The following ZNF644 variants were observed in gnomAD, a reference collection of about 807,000 sequenced individuals.
ZNF644 encodes zinc finger protein 644, also known as zinc finger motif enhancer binding protein 2.
A neutral mutation model predicts 108.0 loss-of-function variants in ZNF644; 20 were observed. The ratio of observed to expected loss-of-function variants is 0.19; its 90% confidence interval spans 0.13 to 0.27. The LOEUF is 0.27. Among genes scored for constraint, ZNF644 ranks in the 10% least tolerant of loss-of-function variants. ZNF644 has a pLI of 1.00. For missense variants in ZNF644, 1,338 were observed against 1,548.9 expected, an observed-to-expected ratio of 0.86 and a Z score of 2.29; for synonymous variants, 542 against 539.1, an observed-to-expected ratio of 1.01 and a Z score of -0.08.
intron 4 of ZNF644, among the ~76,000 whole-genome samples, chr1:90,925,103 G>A (rs1326950829): frequency 2.0e-5 from 3 of 152,158 alleles, no homozygotes; most frequent in African/African-American, 4.8e-5. Flanking sequence ...TAGAGAGAAG[G>A]AAAGCAGCTC....
chr1:90,918,429 A>G, intron 4 of ZNF644: 1 of 339,686 alleles, frequency 2.9e-6, no homozygotes. Context: ...CCAAACTAGA[A>G]CTGAGAAAAT....
At chr1:90,964,051 TGTC>T (rs1395182428) in intron 2 of ZNF644, among the ~76,000 whole-genome samples, 1 of 152,186 alleles carries the variant, frequency 6.6e-6, no homozygotes, top group African/African-American at 2.4e-5. Context: ...GCAAAAATTA[TGTC>T]TGGAACAAAA....
rs184993286 is a variant in ZNF644, at chr1:90,938,114, A to T, written c.3083-24T>A. Reference sequence around the variant, plus strand: ...AGCTAGAAAAAAATTTTTAAGAGTAATATCAGACTTTCTTATATAAACTGA... The same window carrying T: ...AGCTAGAAAAAAATTTTTAAGAGTATTATCAGACTTTCTTATATAAACTGA... On this transcript the variant is annotated intron_variant, in intron 3 of 5. Coordinates refer to ENST00000337393, the MANE Select transcript of ZNF644 (RefSeq NM_201269.3). The surrounding 1 kb of genome is among the most constrained non-coding windows in gnomAD (Gnocchi z 4.2). The T allele has an allele frequency of 1.2e-5, 20 of 1,610,296 alleles. No individual in the cohort carries two copies. Among genetic ancestry groups the T allele is most frequent in the East Asian group, 2.2e-5 (1 of 44,766 alleles).
chr1:91,011,713 A>G (rs1244088378), intron 1 of ZNF644, among the ~76,000 whole-genome samples: 2 of 152,222 alleles, frequency 1.3e-5, no homozygotes, highest in Non-Finnish European at 2.9e-5. Flanking sequence ...GTAACATTCT[A>G]GTTATATTCT....
chr1:90,936,943 CA>C (rs1287859249), intron 4 of ZNF644, among the ~76,000 whole-genome samples: 1 of 152,114 alleles, frequency 6.6e-6, no homozygotes, highest in Non-Finnish European at 1.5e-5. Context: ...TTCCGCAATA[CA>C]ATGAGGAATT....
chr1:90,951,718 C>T (rs1245743438), intron 2 of ZNF644, among the ~76,000 whole-genome samples: 2 of 152,202 alleles, frequency 1.3e-5, no homozygotes, highest in African/African-American at 4.8e-5. Context: ...CCATCTAACA[C>T]ACCATGCAAT....
chr1:90,943,463 A>T (rs1307076010), intron 2 of ZNF644, among the ~76,000 whole-genome samples: 4 of 152,140 alleles, frequency 2.6e-5, no homozygotes, highest in Non-Finnish European at 5.9e-5. Context: ...ACAATAAAAT[A>T]ATAAAATTGT....
intron 1 of ZNF644, among the ~76,000 whole-genome samples, chr1:91,000,943 G>A (rs1405213406): frequency 2.6e-5 from 4 of 152,084 alleles, no homozygotes; most frequent in African/African-American, 9.7e-5. Context: ...AGAAGAAATG[G>A]ATAAATTCCT....
At chr1:90,977,532 A>C (rs1355808962) in intron 2 of ZNF644, among the ~76,000 whole-genome samples, 1 of 152,236 alleles carries the variant, frequency 6.6e-6, no homozygotes, top group African/African-American at 2.4e-5. Flanking sequence ...CTCACAATTT[A>C]AAAAATGCCC....
chr1:90,948,042 T>C (rs941608210), intron 2 of ZNF644, among the ~76,000 whole-genome samples: 2 of 152,172 alleles, frequency 1.3e-5, no homozygotes, highest in African/African-American at 2.4e-5. Context: ...GTGAGATAAA[T>C]ATATGTGCAT....
chr1:90,937,735 C>A lies in ZNF644; in HGVS notation c.3438G>T (p.Gly1146=). 1.2e-6 allele frequency: 2 copies of A among 1,613,802 alleles called. No individual in the cohort carries two copies. The highest frequency in any genetic ancestry group is 8.5e-7 in the Non-Finnish European group (1 of 1,179,888). The change falls in exon 4 of 6, where the codon GGG becomes GGT. Residue 1146 remains glycine (G), a synonymous_variant. Coordinates refer to ENST00000337393, the MANE Select transcript of ZNF644 (RefSeq NM_201269.3). ...ALSVSASEEE[G]LNFLNEYDET... ...CATCATATTCATTTAAGAAATTCAG[C>A]CCTTCTTCTTCTGATGCAGACACTG... is the stretch of plus-strand genomic sequence containing the variant.
chr1:90,935,431 C>A (rs1651212798), intron 4 of ZNF644: 1 of 985,740 alleles, frequency 1.0e-6, no homozygotes, highest in Non-Finnish European at 1.2e-6. Flanking sequence ...AAGTCCAGCA[C>A]TCTTCTTTCG....
chr1:91,017,380 T>C (rs566389381), intron 1 of ZNF644, among the ~76,000 whole-genome samples: 1 of 152,122 alleles, frequency 6.6e-6, no homozygotes, highest in Non-Finnish European at 1.5e-5. Context: ...AGGGCCAAGA[T>C]TAGTAGGAGA....
chr1:90,997,673 C>T (rs946342789), intron 1 of ZNF644, among the ~76,000 whole-genome samples: 2 of 152,094 alleles, frequency 1.3e-5, no homozygotes, highest in Admixed American at 6.5e-5. Context: ...ATTGAGGTAC[C>T]GGGTTCATCT....
intron 1 of ZNF644, among the ~76,000 whole-genome samples, chr1:90,995,130 T>C (rs758549093): frequency 6.6e-6 from 1 of 152,152 alleles, no homozygotes; most frequent in Admixed American, 6.5e-5. Context: ...ATTCTGAGTC[T>C]ACCTGAATTA....
intron 1 of ZNF644, among the ~76,000 whole-genome samples, chr1:90,998,390 T>C (rs967613703): frequency 6.6e-6 from 1 of 152,178 alleles, no homozygotes; most frequent in Admixed American, 6.5e-5. Flanking sequence ...TGTTCAGCAA[T>C]ATTTGCTGCT....
Position 90,939,671 on chromosome 1 carries a change from A to G in ZNF644, c.1683T>C (p.Ile561=). 1 of 1,614,022 alleles carries G rather than the reference A, an allele frequency of 6.2e-7. No individual in the cohort carries two copies. The highest frequency in any genetic ancestry group is 8.5e-7 in the Non-Finnish European group (1 of 1,179,930). Residue 561 remains isoleucine (I), a synonymous_variant, in exon 3 of 6, where the codon ATT becomes ATC. Transcript: ENST00000337393. ...VVKCPMVTSD[I]AQRKTQKKTF... is the part of the protein sequence containing the mutation. ...TCTTTTTTTGTGTTTTTCTCTGGGC[A>G]ATATCAGAAGTGACCATAGGGCATT...
At chr1:90,995,789 T>C (rs1051345928) in intron 1 of ZNF644, among the ~76,000 whole-genome samples, 1 of 152,206 alleles carries the variant, frequency 6.6e-6, no homozygotes. Context: ...AAACAAAAAT[T>C]GGGTTTGTGG....
At chr1:90,999,815 T>G (rs1274243063) in intron 1 of ZNF644, among the ~76,000 whole-genome samples, 1 of 151,966 alleles carries the variant, frequency 6.6e-6, no homozygotes, top group Non-Finnish European at 1.5e-5. Context: ...CAGACACAAA[T>G]AGGCTCAAAA....
Sources: allele counts gnomAD v4.1 joint callset (sites outside exome capture counted in the v4.1 genomes callset), GRCh38; gene constraint gnomAD v4.1.1; non-coding constraint Gnocchi (gnomAD v3.1); transcripts MANE v1.5; gene names NCBI Gene and HGNC (gene_info 2026-07-23, HGNC 2026-07-21).